Variants in PPP2R5C observed in about 807,000 individuals in gnomAD.
The protein encoded by PPP2R5C is protein phosphatase 2 regulatory subunit B'gamma, also known as serine/threonine-protein phosphatase 2A 56 kDa regulatory subunit gamma isoform.
In PPP2R5C, 7 loss-of-function variants were observed where a neutral mutation model predicts 68.9. That is an observed-to-expected ratio of 0.10 (90% CI 0.06 to 0.19). PPP2R5C has a LOEUF of 0.19. PPP2R5C is among the 10% of genes least tolerant of loss of function. PPP2R5C has a pLI of 1.00. For synonymous variants in PPP2R5C, 210 were observed against 222.2 expected (o/e 0.95, Z 0.49); for missense variants, 348 against 641.3 (o/e 0.54, Z 4.94).
At position 101,762,900 on chromosome 14, in the gene PPP2R5C, A is replaced by G; in HGVS notation, c.28-5A>G. ...GACTAATTGACTTTGCTTGATGTTT[A>G]CCAGGAATCACCAAAAGCAGGGAAG... is the stretch of plus-strand genomic sequence containing the variant. On this transcript the variant is annotated splice_region_variant and splice_polypyrimidine_tract_variant and intron_variant, in intron 1 of 14. Transcript: ENST00000328724. 2 of 1,579,054 alleles carry G rather than the reference A, an allele frequency of 1.3e-6. No homozygotes were observed. Among genetic ancestry groups the G allele is most frequent in the Non-Finnish European group, 1.7e-6 (2 of 1,161,342 alleles).
chr14:101,786,313 G>GT (rs150794694), intron 3 of PPP2R5C, 130 bp downstream of exon 3: 38,137 of 533,906 alleles, frequency 0.071, 1 homozygote, highest in East Asian at 0.11. Flanking sequence ...GTATTGAGGG[G>GT]TTTTTTTTTT....
chr14:101,818,906 T>C, intron 1 of PPP2R5C: 2 of 1,063,332 alleles, frequency 1.9e-6, no homozygotes, highest in African/African-American at 1.6e-5. Flanking sequence ...TGGATTTTTG[T>C]CTGCTGGTTG....
chr14:101,830,300 A>G (rs1447690108), intron 1 of PPP2R5C, among the ~76,000 whole-genome samples: 2 of 152,256 alleles, frequency 1.3e-5, no homozygotes, highest in East Asian at 3.8e-4. Flanking sequence ...TATCACAAGT[A>G]GAACTTGGGA....
intron 11 of PPP2R5C, among the ~76,000 whole-genome samples, chr14:101,910,025 G>A (rs2046297038): frequency 1.3e-5 from 2 of 152,166 alleles, no homozygotes; most frequent in Admixed American, 1.3e-4. Flanking sequence ...TGTTTATAAG[G>A]CAGGGATTTG....
In PPP2R5C at chr14:101,781,353, G is replaced by A. The variant is rs2037678055; in HGVS notation, c.94-4665G>A. 2.0e-5 allele frequency among the ~76,000 whole-genome samples: 3 copies of A among 152,196 alleles called. No individual in the cohort carries two copies. Among genetic ancestry groups the A allele is most frequent in the Non-Finnish European group, 4.4e-5 (3 of 68,014 alleles). On this transcript the variant is annotated intron_variant, in intron 2 of 14. Coordinates refer to the PPP2R5C transcript ENST00000328724. This position sits in a 1 kb window ranked among gnomAD's most constrained non-coding sequence, Gnocchi z 6.4. ...GCCTCAACCCGCCCTGCGCCTCCCGGTGGCACAGCGACCTTGGCGGCTTTG... is the reference window on the plus strand; with the variant it reads ...GCCTCAACCCGCCCTGCGCCTCCCGATGGCACAGCGACCTTGGCGGCTTTG...
chr14:101,806,411 C>T (rs1488577299), upstream of PPP2R5C, among the ~76,000 whole-genome samples: 1 of 152,188 alleles, frequency 6.6e-6, no homozygotes, highest in African/African-American at 2.4e-5. Flanking sequence ...CTTCCAGTTT[C>T]ATCCATGTCC....
intron 2 of PPP2R5C, 25 bp downstream of exon 2, chr14:101,762,995 T>C: frequency 6.5e-7 from 1 of 1,537,622 alleles, no homozygotes. Context: ...ATATTGACTT[T>C]GTATTTTATA....
At chr14:101,901,982 A>G in intron 9 of PPP2R5C, 93 bp downstream of exon 11, 4 of 1,409,236 alleles carry the variant, frequency 2.8e-6, no homozygotes, top group East Asian at 2.3e-5. Flanking sequence ...TTTGCCTCTC[A>G]TGCAATTTAA....
intron 2 of PPP2R5C, among the ~76,000 whole-genome samples, chr14:101,772,863 C>T (rs1439853829): frequency 1.3e-5 from 2 of 152,174 alleles, no homozygotes; most frequent in Non-Finnish European, 2.9e-5. Context: ...TCCTCCCATT[C>T]TCAGACCTGC....
At chr14:101,808,250 C>T (rs1287437123), upstream of PPP2R5C, among the ~76,000 whole-genome samples, 2 of 151,816 alleles carry the variant, frequency 1.3e-5, no homozygotes, top group Non-Finnish European at 2.9e-5. Context: ...GATCTAAATT[C>T]CTCTTACCCA....
intron 2 of PPP2R5C, among the ~76,000 whole-genome samples, chr14:101,863,522 G>C (rs2042878688): frequency 6.6e-6 from 1 of 152,126 alleles, no homozygotes; most frequent in Non-Finnish European, 1.5e-5. Context: ...AGGGGCCTAA[G>C]ACCAAAAAGT....
At chr14:101,788,157 C>T (rs1015324383) in intron 3 of PPP2R5C, among the ~76,000 whole-genome samples, 4 of 152,218 alleles carry the variant, frequency 2.6e-5, no homozygotes, top group Non-Finnish European at 5.9e-5. Flanking sequence ...ATGTCCCAAG[C>T]CCTGCCCCTA....
intron 2 of PPP2R5C, among the ~76,000 whole-genome samples, chr14:101,768,601 C>G (rs1464348992): frequency 6.6e-6 from 1 of 152,016 alleles, no homozygotes; most frequent in Admixed American, 6.5e-5. Flanking sequence ...AGGTAGCTGT[C>G]TGCCCCTGCA....
At chr14:101,809,156 C>T (rs1003373457), upstream of PPP2R5C, among the ~76,000 whole-genome samples, 4 of 151,954 alleles carry the variant, frequency 2.6e-5, no homozygotes, top group African/African-American at 9.7e-5. Context: ...TTTCTTACTC[C>T]CACGGCCAGG....
upstream of PPP2R5C, among the ~76,000 whole-genome samples, chr14:101,807,183 T>C (rs182749886): frequency 2.0e-3 from 298 of 152,288 alleles, 1 homozygote; most frequent in Non-Finnish European, 3.3e-3. Flanking sequence ...AAGACTTAAA[T>C]TGACTTTTTT....
At chr14:101,878,334 G>A (rs1278137234) in intron 2 of PPP2R5C, among the ~76,000 whole-genome samples, 1 of 152,232 alleles carries the variant, frequency 6.6e-6, no homozygotes, top group Non-Finnish European at 1.5e-5. Context: ...AGGACATTGT[G>A]TTCAGAGCAA....
At chr14:101,839,167 A>G (rs1428504886) in intron 1 of PPP2R5C, 1 of 151,666 alleles carries the variant, frequency 6.6e-6, no homozygotes, top group African/African-American at 2.4e-5. Context: ...CCTAGCCAAC[A>G]TGGTGAAATC....
intron 1 of PPP2R5C, among the ~76,000 whole-genome samples, chr14:101,845,461 A>G (rs961555445): frequency 6.7e-6 from 1 of 149,558 alleles, no homozygotes; most frequent in Admixed American, 6.6e-5. Context: ...TCTCCACTCC[A>G]CTCCACCCCA....
rs950221239 is a variant in PPP2R5C, at chr14:101,916,092, G to A, written c.1327-1739G>A. On this transcript the variant is annotated intron_variant, in intron 12 of 13. Transcript: ENST00000334743. This position sits in a 1 kb window ranked among gnomAD's most constrained non-coding sequence, Gnocchi z 5.5. The stretch of plus-strand genomic sequence containing the variant: ...AGAGGGAGCAGAATTCCCCCAAAAT[G>A]TCAGCAGATATTAAAGAGCCATAAA... 6.6e-6 allele frequency among the ~76,000 whole-genome samples: 1 copy of A among 152,170 alleles called. No individual in the cohort carries two copies. Among genetic ancestry groups the A allele is most frequent in the Non-Finnish European group, 1.5e-5 (1 of 68,030 alleles).
Sources: allele counts gnomAD v4.1 joint callset (sites outside exome capture counted in the v4.1 genomes callset), GRCh38; gene constraint gnomAD v4.1.1; non-coding constraint Gnocchi (gnomAD v3.1); transcripts MANE v1.5; gene names NCBI Gene and HGNC (gene_info 2026-07-23, HGNC 2026-07-21).